Variants in TBC1D5 observed in about 807,000 individuals in gnomAD.
The protein encoded by TBC1D5 is TBC1 domain family member 5, also known as TBC1 domain family, member 5.
TBC1D5 carries 75 observed loss-of-function variants against 100.3 expected under a neutral mutation model. That is an observed-to-expected ratio of 0.75 (90% CI 0.62 to 0.91). The LOEUF (loss-of-function observed/expected upper bound fraction) is 0.91, where lower values mean the gene tolerates loss of function less well. TBC1D5 is among the 40% of genes least tolerant of loss of function. The pLI is 0.00. For synonymous variants in TBC1D5, 323 were observed against 325.6 expected (o/e 0.99, Z 0.09); for missense variants, 910 against 942.4 (o/e 0.97, Z 0.45).
intron 13 of TBC1D5, among the ~76,000 whole-genome samples, chr3:17,340,137 TG>T (rs140473966): frequency 6.6e-6 from 1 of 152,108 alleles, no homozygotes; most frequent in Non-Finnish European, 1.5e-5. Context: ...TGACGGGTAC[TG>T]GGGGGTAAAG....
chr3:17,659,922 C>A (rs1209132583), intron 1 of TBC1D5, among the ~76,000 whole-genome samples: 1 of 152,106 alleles, frequency 6.6e-6, no homozygotes, highest in African/African-American at 2.4e-5. Flanking sequence ...AACCTAGTTA[C>A]ACATGGCAAG....
chr3:17,317,031 C>T (rs2084779815), intron 13 of TBC1D5, among the ~76,000 whole-genome samples: 1 of 152,096 alleles, frequency 6.6e-6, no homozygotes, highest in Non-Finnish European at 1.5e-5. Flanking sequence ...CAATAATAAT[C>T]CCATCAATCT....
At chr3:17,265,198 C>A (rs2078727369) in intron 15 of TBC1D5, among the ~76,000 whole-genome samples, 1 of 152,030 alleles carries the variant, frequency 6.6e-6, no homozygotes, top group African/African-American at 2.4e-5. Context: ...TCCAAATTAT[C>A]ATTTTTATAA....
chr3:17,624,105 T>C (rs770886609), intron 1 of TBC1D5, among the ~76,000 whole-genome samples, 192 bp from the exon 2 acceptor site: 2 of 152,210 alleles, frequency 1.3e-5, no homozygotes, highest in Non-Finnish European at 2.9e-5. Context: ...TAACCTCTTA[T>C]GATGTCAAAC....
chr3:17,668,225 T>C (rs1233031179), intron 1 of TBC1D5, among the ~76,000 whole-genome samples: 2 of 149,892 alleles, frequency 1.3e-5, no homozygotes, highest in Admixed American at 6.6e-5. Context: ...GGGAAAGAAA[T>C]GTGTATGAGC....
intron 4 of TBC1D5, among the ~76,000 whole-genome samples, chr3:17,426,130 C>T (rs1442908621): frequency 2.6e-5 from 4 of 152,144 alleles, no homozygotes; most frequent in Non-Finnish European, 5.9e-5. Context: ...AAAAGGACAT[C>T]TGAGGGTTGC....
intron 3 of TBC1D5, among the ~76,000 whole-genome samples, chr3:17,480,532 C>T (rs910979522): frequency 1.3e-5 from 2 of 152,206 alleles, no homozygotes; most frequent in South Asian, 4.1e-4. Flanking sequence ...GAAGGAGTTA[C>T]CCACCTTGGG....
chr3:17,352,352 C>G (rs1202061800), intron 13 of TBC1D5, among the ~76,000 whole-genome samples: 1 of 151,722 alleles, frequency 6.6e-6, no homozygotes, highest in Non-Finnish European at 1.5e-5. Context: ...AATGATATGT[C>G]AAATGTTTTA....
chr3:17,545,739 C>T (rs2096408516), intron 2 of TBC1D5, among the ~76,000 whole-genome samples: 1 of 152,170 alleles, frequency 6.6e-6, no homozygotes, highest in South Asian at 2.1e-4. Context: ...CTGAATCCTA[C>T]TTTATTTCTA....
intron 21 of TBC1D5, among the ~76,000 whole-genome samples, chr3:17,162,755 G>GACT (rs2066194215): frequency 6.6e-6 from 1 of 152,220 alleles, no homozygotes; most frequent in African/African-American, 2.4e-5. Context: ...TCTTCCCCAT[G>GACT]ACTGTCCCTA....
chr3:17,385,266 T>C (rs1371755633), intron 8 of TBC1D5, among the ~76,000 whole-genome samples: 1 of 151,984 alleles, frequency 6.6e-6, no homozygotes, highest in Non-Finnish European at 1.5e-5. Flanking sequence ...CTTTAGGTAA[T>C]GAGATTGCAA....
At chr3:17,205,710 G>A (rs536906461) in intron 18 of TBC1D5, among the ~76,000 whole-genome samples, 72 of 152,268 alleles carry the variant, frequency 4.7e-4, no homozygotes, top group Admixed American at 1.3e-3. Context: ...ATTCTGGTCA[G>A]TGATATGGGA....
chr3:17,240,074 T>G (rs972011085), intron 16 of TBC1D5, among the ~76,000 whole-genome samples: 2 of 152,314 alleles, frequency 1.3e-5, no homozygotes, highest in African/African-American at 2.4e-5. Flanking sequence ...ATTCTACCTT[T>G]TATATGACAG....
At chr3:17,449,397 C>T (rs528393888) in intron 3 of TBC1D5, among the ~76,000 whole-genome samples, 5 of 152,240 alleles carry the variant, frequency 3.3e-5, no homozygotes, top group African/African-American at 7.2e-5. Context: ...TGTTCACTCC[C>T]GTGGAATGGG....
At chr3:17,339,591 G>A (rs994280668) in intron 13 of TBC1D5, among the ~76,000 whole-genome samples, 4 of 152,078 alleles carry the variant, frequency 2.6e-5, no homozygotes, top group African/African-American at 9.7e-5. Flanking sequence ...ATATTCCCAT[G>A]GTCAGTAATT....
intron 3 of TBC1D5, among the ~76,000 whole-genome samples, chr3:17,493,793 C>T (rs1054316169): frequency 6.6e-6 from 1 of 152,208 alleles, no homozygotes; most frequent in African/African-American, 2.4e-5. Flanking sequence ...TTATGTCCCT[C>T]TCTAAACTGG....
chr3:17,491,518 G>C (rs2095639676), intron 3 of TBC1D5, among the ~76,000 whole-genome samples: 1 of 152,056 alleles, frequency 6.6e-6, no homozygotes. Flanking sequence ...TAACATGAAG[G>C]GATGTTCAAT....
intron 1 of TBC1D5, among the ~76,000 whole-genome samples, chr3:17,640,005 C>A (rs1444427359): frequency 6.6e-6 from 1 of 152,166 alleles, no homozygotes; most frequent in Non-Finnish European, 1.5e-5. Flanking sequence ...CTAGCCCACT[C>A]TATACTTAGC....
intron 3 of TBC1D5, among the ~76,000 whole-genome samples, chr3:17,504,439 A>AATG (rs2095822236): frequency 6.6e-6 from 1 of 152,064 alleles, no homozygotes; most frequent in African/African-American, 2.4e-5. Flanking sequence ...GTATAATAAT[A>AATG]ATAAATTAAA....
Sources: gnomAD v4.1 joint callset for allele counts (sites outside exome capture counted in the v4.1 genomes callset) on GRCh38, gnomAD v4.1.1 for gene constraint, MANE v1.5 for transcripts, NCBI Gene and HGNC (gene_info 2026-07-23, HGNC 2026-07-21) for gene names.